MPP3: variants seen among roughly 807,000 people sequenced by gnomAD.
MPP3 encodes the protein MAGUK p55 subfamily member 3.
MPP3 carries 48 observed loss-of-function variants against 80.7 expected under a neutral mutation model. The ratio of observed to expected loss-of-function variants is 0.59; its 90% CI spans 0.47 to 0.76. The LOEUF is 0.76. Ranked by LOEUF, MPP3 falls within the 30% of genes least tolerant of loss-of-function variation. The pLI is 0.00. For synonymous variants in MPP3, 311 were observed against 297.6 expected, an observed-to-expected ratio of 1.04 and a Z score of -0.46; for missense variants, 620 against 763.0, an observed-to-expected ratio of 0.81 and a Z score of 2.21.
At position 43,831,568 on chromosome 17, in the gene MPP3, G is replaced by C. The variant is rs773768816; in HGVS notation, c.135C>G (p.Tyr45Ter). ...TGACGTGGGACTTCACCTTCATTAA[G>C]TAACTGAGGCTTTTTTCACTGAAAA... ...RDVFSEKSLS[Y>*]LMKIHEKLRY... The change falls in exon 4 of 20, where the codon TAC becomes TAG. Residue 45 changes from tyrosine (Y) to a stop codon, truncating the protein, a stop_gained. Coordinates refer to ENST00000398389, the MANE Select transcript of MPP3 (RefSeq NM_001932.6). LOFTEE classifies it high-confidence loss of function. 6.2e-7 allele frequency: 1 copy of C among 1,611,268 alleles called. No homozygotes were observed. Among genetic ancestry groups the C allele is most frequent in the South Asian group, 1.1e-5 (1 of 90,972 alleles).
intron 11 of MPP3, among the ~76,000 whole-genome samples, chr17:43,818,639 G>T (rs895478157): frequency 6.6e-6 from 1 of 152,106 alleles, no homozygotes; most frequent in African/African-American, 2.4e-5. Context: ...AAATGCAGCT[G>T]AAGGGCCGGG....
At chr17:43,814,850 A>C (rs137938914) in intron 14 of MPP3, among the ~76,000 whole-genome samples, 1 of 152,192 alleles carries the variant, frequency 6.6e-6, no homozygotes, top group Non-Finnish European at 1.5e-5. Flanking sequence ...ATGCTGAGAG[A>C]TTTAGGGTTA....
chr17:43,824,345 C>T (rs1156453151), intron 9 of MPP3, among the ~76,000 whole-genome samples: 1 of 152,206 alleles, frequency 6.6e-6, no homozygotes, highest in Non-Finnish European at 1.5e-5. Flanking sequence ...TTCTCCATCC[C>T]TCCTGACCGC....
chr17:43,818,189 G>A (rs2045249111), intron 11 of MPP3, 79 bp from the exon 12 acceptor site: 1 of 1,315,238 alleles, frequency 7.6e-7, no homozygotes, highest in East Asian at 2.9e-5. Context: ...GGAAAACTTG[G>A]GAAGCCAAGG....
At position 43,810,868 on chromosome 17, in the gene MPP3, AGGC is replaced by A. The variant is rs777507123; in HGVS notation, c.1394_1396del (p.Ser465_Leu466delinsMet). 1.2e-6 allele frequency: 2 copies of A among 1,611,862 alleles called. No individual in the cohort carries two copies. Among genetic ancestry groups the A allele is most frequent in the Non-Finnish European group, 8.5e-7 (1 of 1,179,444 alleles). On this transcript the variant is annotated inframe_deletion, in exon 18 of 20. Transcript: ENST00000398389. Reference sequence around the variant, plus strand: ...GGCCATAACAGCCTGAATGGCCTCCAGGCTGGTTCCATACAGATTTTCCTTATA... The same window carrying A: ...GGCCATAACAGCCTGAATGGCCTCCATGGTTCCATACAGATTTTCCTTATA...
chr17:43,811,576 G>T (rs541944637), intron 16 of MPP3: 57 of 168,388 alleles, frequency 3.4e-4, no homozygotes, highest in African/African-American at 1.2e-3. Flanking sequence ...CTGATGCTGT[G>T]TTTTTTTTTT....
chr17:43,811,075 C>T, intron 17 of MPP3, 37 bp downstream of exon 17: 3 of 1,577,868 alleles, frequency 1.9e-6, no homozygotes, highest in Non-Finnish European at 2.6e-6. Flanking sequence ...AAACACACAA[C>T]TGCCTGGAGG....
intron 2 of MPP3, 21 bp downstream of exon 2, chr17:43,832,740 G>C (rs2046030134): frequency 6.6e-6 from 1 of 152,184 alleles, no homozygotes; most frequent in Non-Finnish European, 1.5e-5. Flanking sequence ...GCCCCGCCCC[G>C]CCACGCCACG....
rs182713358 is a variant in MPP3 at position 43,811,725 on chromosome 17, C to T, written c.1256-520G>A. Among the ~76,000 whole-genome samples, 179 of 152,196 alleles carry T rather than the reference C, an allele frequency of 1.2e-3. 1 individual carries two copies. The highest frequency in any genetic ancestry group is 4.0e-3 in the African/African-American group (167 of 41,512). On this transcript the variant is annotated intron_variant, in intron 16 of 19. Coordinates refer to ENST00000398389, the MANE Select transcript of MPP3 (RefSeq NM_001932.6). ...TCTCCTGCCTCAGCCTCCCGAGTAG[C>T]TGGAATTACAGGCATGTACCACCAC...
At chr17:43,803,755 C>T (rs976037846) in intron 19 of MPP3, among the ~76,000 whole-genome samples, 2 of 152,224 alleles carry the variant, frequency 1.3e-5, no homozygotes, top group Non-Finnish European at 2.9e-5. Context: ...CTGGGCCCCA[C>T]TCCAAACCCC....
chr17:43,829,972 G>A (rs369818680), intron 6 of MPP3, 55 bp downstream of exon 6: 166 of 1,577,716 alleles, frequency 1.1e-4, no homozygotes, highest in Admixed American at 7.7e-4. Context: ...AGCTCCCTCC[G>A]CCCCCATCCC....
chr17:43,815,756 A>T (rs2045088442), intron 14 of MPP3: 1 of 653,908 alleles, frequency 1.5e-6, no homozygotes. Context: ...CTCCAATTGC[A>T]ATGATGGTGA....
chr17:43,825,375 T>TC, intron 9 of MPP3: 1 of 178,612 alleles, frequency 5.6e-6, no homozygotes, highest in Non-Finnish European at 1.2e-5. Flanking sequence ...AGAAACTCTA[T>TC]CCCAACGTTA....
chr17:43,829,972 G>T, intron 6 of MPP3, 55 bp downstream of exon 6: 1 of 1,577,716 alleles, frequency 6.3e-7, no homozygotes. Flanking sequence ...AGCTCCCTCC[G>T]CCCCCATCCC....
chr17:43,813,883 A>C, intron 16 of MPP3, 128 bp downstream of exon 16: 1 of 785,954 alleles, frequency 1.3e-6, no homozygotes, highest in Admixed American at 2.5e-5. Context: ...ACAATTTGCC[A>C]ATAGCAGGCA....
rs772298115 is a variant in MPP3, at chr17:43,814,338, G to A, written c.1033C>T (p.Leu345=). Residue 345 remains leucine (L), a synonymous_variant, in exon 15 of 20, where the codon CTG becomes TTG. Coordinates refer to ENST00000398389, the MANE Select transcript of MPP3 (RefSeq NM_001932.6). ...YVAGLRRSFR[L]GCRERLGGSQ... is the part of the protein sequence containing the mutation. The stretch of plus-strand genomic sequence containing the variant: ...CCACCCAGTCTCTCCCTACAGCCCA[G>A]CCGGAAGCTCCTCCGAAGACCAGCT... 79 of 1,606,452 alleles carry A rather than the reference G, an allele frequency of 4.9e-5. No homozygotes were observed. The South Asian group carries it at 8.5e-4, about 17-fold the overall frequency.
chr17:43,826,698 A>T (rs28571770), intron 8 of MPP3, among the ~76,000 whole-genome samples: 40,182 of 151,804 alleles, frequency 0.26, 6,384 homozygotes, highest in African/African-American at 0.44. Flanking sequence ...AAGGGTGTCA[A>T]CCCTGTCCCA....
intron 16 of MPP3, 79 bp from the exon 17 acceptor site, chr17:43,811,284 A>G (rs1227314199): frequency 1.8e-6 from 2 of 1,098,360 alleles, no homozygotes; most frequent in African/African-American, 1.5e-5. Flanking sequence ...TTAGGCACTC[A>G]TTTGGGAGTT....
chr17:43,814,448 C>T lies in MPP3; in HGVS notation c.1010-87G>A. ...TAGAGACTTTTCCCACCTGGCCAGA[C>T]CTGGAGATGGGACTGAGTCCCACTG... On this transcript the variant is annotated intron_variant, in intron 14 of 19. Transcript: ENST00000398389. The T allele has an allele frequency of 2.1e-6, 3 of 1,406,426 alleles. No individual in the cohort carries two copies. In the Admixed American group the frequency reaches 6.6e-5, roughly 31 times the overall value. 87.1% of individuals were successfully genotyped at this position (1,406,426 alleles called of 1,614,324 possible).
Sources: gnomAD v4.1 joint callset for allele counts (sites outside exome capture counted in the v4.1 genomes callset) on GRCh38, gnomAD v4.1.1 for gene constraint, MANE v1.5 for transcripts, NCBI Gene and HGNC (gene_info 2026-07-23, HGNC 2026-07-21) for gene names.